ZFHX3: variants seen among roughly 807,000 people sequenced by gnomAD.
The protein encoded by ZFHX3 is zinc finger homeobox protein 3.
In ZFHX3, 42 loss-of-function variants were observed where a neutral mutation model predicts 279.1. The ratio of observed to expected loss-of-function variants is 0.15; its 90% CI spans 0.12 to 0.19. The LOEUF (loss-of-function observed/expected upper bound fraction) is 0.19. ZFHX3 is among the 10% of genes least tolerant of loss of function. ZFHX3 has a pLI of 1.00. For missense variants in ZFHX3, 4,981 were observed against 4,754.0 expected, an observed-to-expected ratio of 1.05 and a Z score of -1.40; for synonymous variants, 2,293 against 1,957.8, an observed-to-expected ratio of 1.17 and a Z score of -4.52.
chr16:73,709,346 CAGAG>C (rs59857152), intron 1 of ZFHX3, among the ~76,000 whole-genome samples: 97,251 of 145,070 alleles, frequency 0.67, 33,292 homozygotes, highest in Non-Finnish European at 0.76. Flanking sequence ...GGCTGTGTGA[CAGAG>C]AGAGAGAGAG....
upstream of ZFHX3, among the ~76,000 whole-genome samples, chr16:73,049,433 G>A (rs1013311071): frequency 2.0e-5 from 3 of 152,188 alleles, no homozygotes; most frequent in Admixed American, 6.5e-5. Flanking sequence ...TGACTCGGGA[G>A]AAAAAGGGAT....
At chr16:72,792,499 C>T (rs1457654072) in intron 9 of ZFHX3, among the ~76,000 whole-genome samples, 1 of 152,062 alleles carries the variant, frequency 6.6e-6, no homozygotes, top group Non-Finnish European at 1.5e-5. Flanking sequence ...CTGTGTCACC[C>T]AGGCTGGAGT....
intron 3 of ZFHX3, among the ~76,000 whole-genome samples, chr16:72,906,486 G>A (rs1177485356): frequency 6.6e-6 from 1 of 152,000 alleles, no homozygotes; most frequent in Non-Finnish European, 1.5e-5. Context: ...TAAAAATCAA[G>A]TCTTCAGAAA....
At chr16:73,556,335 G>C (rs189950434) in intron 2 of ZFHX3, among the ~76,000 whole-genome samples, 72 of 152,312 alleles carry the variant, frequency 4.7e-4, no homozygotes, top group African/African-American at 1.7e-3. Context: ...GGTGGCGGAA[G>C]AAACAGGGGC....
intron 4 of ZFHX3, among the ~76,000 whole-genome samples, chr16:73,304,052 T>C (rs937954546): frequency 4.0e-5 from 6 of 150,758 alleles, no homozygotes; most frequent in African/African-American, 1.5e-4. Flanking sequence ...CTACCCTTGG[T>C]CCTGCATAGA....
chr16:73,648,558 TTTTG>T lies in ZFHX3; in HGVS notation c.-1547+31618_-1547+31621del, dbSNP rs535311702. Among the ~76,000 whole-genome samples the T allele has an allele frequency of 2.1e-3, 323 of 152,060 alleles. 1 individual carries two copies. The highest frequency in any genetic ancestry group is 3.4e-3 in the Middle Eastern group (1 of 292). On this transcript the variant is annotated intron_variant, in intron 2 of 17. Transcript: ENST00000641206. ...ACGTGCACAACCATGCGCAGCTAAT[TTTTG>T]TTTGTTTGTTTGTTTTGTTTTGTTT...
In ZFHX3 at chr16:72,889,733, G is replaced by A. The variant is rs1349987368; in HGVS notation, c.3446C>T (p.Pro1149Leu). The A allele has an allele frequency of 8.7e-6, 14 of 1,612,058 alleles. No homozygotes were observed. Among genetic ancestry groups the A allele is most frequent in the Non-Finnish European group, 1.2e-5 (14 of 1,179,804 alleles). Residue 1149 changes from proline to leucine, a missense_variant and splice_region_variant, in exon 4 of 10, where the codon CCA becomes CTA. Coordinates refer to ENST00000268489, the MANE Select transcript of ZFHX3 (RefSeq NM_006885.4). The stretch of plus-strand genomic sequence containing the variant: ...CCCATGCCTGTGAGACCACTCACCT[G>A]GGTCCGTGGAGGGGCACCTGCGGAT... The part of the protein sequence containing the change: ...FTIRRCPSTD[P>L]EEAIEDVEGP...
intron 1 of ZFHX3, among the ~76,000 whole-genome samples, chr16:72,964,161 G>C (rs1434292659): frequency 1.3e-5 from 2 of 152,174 alleles, no homozygotes; most frequent in African/African-American, 4.8e-5. Flanking sequence ...AAAGGCCTCA[G>C]AAGTGCACAT....
intron 3 of ZFHX3, among the ~76,000 whole-genome samples, chr16:72,941,831 T>C (rs1174767360): frequency 2.0e-5 from 3 of 152,188 alleles, no homozygotes; most frequent in South Asian, 2.1e-4. Context: ...TTTTCTGCCA[T>C]TAGAAAATTT....
intron 1 of ZFHX3, among the ~76,000 whole-genome samples, chr16:72,962,608 C>G (rs756139876): frequency 1.1e-4 from 16 of 152,226 alleles, no homozygotes; most frequent in Non-Finnish European, 2.1e-4. Flanking sequence ...CCTTGCCAAA[C>G]AAGCGTGGTT....
At chr16:73,628,062 AG>A (rs1304935200) in intron 2 of ZFHX3, among the ~76,000 whole-genome samples, 1 of 152,214 alleles carries the variant, frequency 6.6e-6, no homozygotes. Context: ...TGTTTTTCTT[AG>A]TAACCAGATC....
intron 1 of ZFHX3, among the ~76,000 whole-genome samples, chr16:73,683,994 C>G (rs1285699533): frequency 1.3e-5 from 2 of 152,180 alleles, no homozygotes; most frequent in African/African-American, 4.8e-5. Flanking sequence ...TCCAATAAAA[C>G]TTTATTTACA....
intron 2 of ZFHX3, among the ~76,000 whole-genome samples, chr16:73,524,678 G>T (rs1486088089): frequency 6.6e-6 from 1 of 152,210 alleles, no homozygotes; most frequent in African/African-American, 2.4e-5. Flanking sequence ...AGATCAAACT[G>T]ATGCAGCCCT....
In ZFHX3 at chr16:73,116,254, G is replaced by A. The variant is rs78337284; in HGVS notation, c.-897+14714C>T. 6.5e-3 allele frequency among the ~76,000 whole-genome samples: 983 copies of A among 152,236 alleles called. 17 individuals carry two copies. Among genetic ancestry groups the A allele is most frequent in the African/African-American group, 0.023 (948 of 41,528 alleles). The stretch of plus-strand genomic sequence containing the variant: ...GATGAAATCCACGTACTCCAGAGCC[G>A]GGTTGAGTGGGTGGGTGGCGGGGGA... On this transcript the variant is annotated intron_variant, in intron 7 of 17. Coordinates refer to the ZFHX3 transcript ENST00000641206.
intron 1 of ZFHX3, among the ~76,000 whole-genome samples, chr16:73,822,254 T>C (rs1354369995): frequency 1.3e-5 from 2 of 152,184 alleles, no homozygotes; most frequent in South Asian, 2.1e-4. Context: ...ATTGGGGCTC[T>C]GATCTCCATT....
At position 73,431,471 on chromosome 16, in the gene ZFHX3, G is replaced by A. The variant is rs751646523; in HGVS notation, c.-1291+24532C>T. Among the ~76,000 whole-genome samples, 23 of 152,098 alleles carry A rather than the reference G, an allele frequency of 1.5e-4. 1 individual carries two copies. The highest frequency in any genetic ancestry group is 2.8e-4 in the Non-Finnish European group (19 of 68,030). ...CGGCAGAATCACTTGAACCCAGGAGGTGTACGTTGCAGTGCGCCAAGATCA... is the reference window on the plus strand; with the variant it reads ...CGGCAGAATCACTTGAACCCAGGAGATGTACGTTGCAGTGCGCCAAGATCA... On this transcript the variant is annotated intron_variant, in intron 3 of 17. Transcript: ENST00000641206.
chr16:73,176,601 T>C (rs929334563), intron 5 of ZFHX3, among the ~76,000 whole-genome samples: 11 of 147,730 alleles, frequency 7.4e-5, no homozygotes, highest in African/African-American at 2.8e-4. Flanking sequence ...AGCCTTCTTC[T>C]TCTTCTCCTT....
rs972377825 is a variant in ZFHX3, at chr16:73,356,015, A to G, written c.-1290-37679T>C. 3.3e-5 allele frequency among the ~76,000 whole-genome samples: 5 copies of G among 152,150 alleles called. No homozygotes were observed. The South Asian group carries it at 8.3e-4, about 25-fold the overall frequency. The stretch of plus-strand genomic sequence containing the variant: ...CTCTCCAGCAACCTTTCCACTGTAC[A>G]CTTTCCATTCTGCTTAGAATTCATC... On this transcript the variant is annotated intron_variant, in intron 3 of 17. Coordinates refer to the ZFHX3 transcript ENST00000641206.
chr16:73,263,011 T>G (rs2013867949), intron 4 of ZFHX3, among the ~76,000 whole-genome samples: 1 of 152,192 alleles, frequency 6.6e-6, no homozygotes, highest in Middle Eastern at 3.4e-3. Flanking sequence ...TGGTTCAGAT[T>G]AGAAGAGCTA....
Sources: gnomAD v4.1 joint callset for allele counts (sites outside exome capture counted in the v4.1 genomes callset) on GRCh38, gnomAD v4.1.1 for gene constraint, MANE v1.5 for transcripts, NCBI Gene and HGNC (gene_info 2026-07-23, HGNC 2026-07-21) for gene names.